SAMD12: variants seen among roughly 807,000 people sequenced by gnomAD.
SAMD12 encodes the protein sterile alpha motif domain-containing protein 12.
SAMD12 carries 9 observed loss-of-function variants against 15.0 expected under a neutral mutation model. The ratio of observed to expected loss-of-function variants is 0.60; its 90% CI spans 0.36 to 1.05. SAMD12 has a LOEUF of 1.05. Ranked by LOEUF, SAMD12 falls within the 50% of genes least tolerant of loss-of-function variation. The pLI is 0.01. For missense variants in SAMD12, 230 were observed against 234.2 expected (o/e 0.98, Z 0.12); for synonymous variants, 86 against 90.1 (o/e 0.96, Z 0.25).
chr8:118,176,613 C>T, the SAMD12 span, among the ~76,000 whole-genome samples: 5 of 152,020 alleles, frequency 3.3e-5, no homozygotes, highest in African/African-American at 9.7e-5. Context: ...AGCTAAACAA[C>T]GAGGACACAT....
intron 3 of SAMD12, among the ~76,000 whole-genome samples, chr8:118,412,641 T>C (rs1821469560): frequency 1.3e-5 from 2 of 152,136 alleles, no homozygotes; most frequent in South Asian, 4.1e-4. Flanking sequence ...AGTTCCTGTC[T>C]AATTTTACTC....
At chr8:118,553,321 T>G (rs917718552) in intron 2 of SAMD12, among the ~76,000 whole-genome samples, 8 of 152,232 alleles carry the variant, frequency 5.3e-5, no homozygotes, top group African/African-American at 1.9e-4. Flanking sequence ...ATGGTACTGG[T>G]ACCGAAACAG....
intron 2 of SAMD12, among the ~76,000 whole-genome samples, chr8:118,463,944 C>T (rs1229211138): frequency 6.6e-6 from 1 of 152,102 alleles, no homozygotes; most frequent in Non-Finnish European, 1.5e-5. Context: ...ACCTCTGACT[C>T]GCAATGAATG....
At chr8:118,223,114 G>C (rs1336403896) in intron 4 of SAMD12, among the ~76,000 whole-genome samples, 1 of 152,144 alleles carries the variant, frequency 6.6e-6, no homozygotes, top group Non-Finnish European at 1.5e-5. Flanking sequence ...ATTAATATGA[G>C]GGTTAGGAGG....
At chr8:118,371,765 T>C (rs531495912) in intron 4 of SAMD12, among the ~76,000 whole-genome samples, 230 of 152,248 alleles carry the variant, frequency 1.5e-3, no homozygotes, top group Middle Eastern at 6.8e-3. Flanking sequence ...AGAGTCACTA[T>C]GAAGTAGGGG....
At chr8:118,487,906 C>T (rs938330652) in intron 2 of SAMD12, among the ~76,000 whole-genome samples, 1 of 152,096 alleles carries the variant, frequency 6.6e-6, no homozygotes, top group Non-Finnish European at 1.5e-5. Flanking sequence ...TCAATTCCTG[C>T]AATCTGATTA....
chr8:118,208,499 G>A (rs1323131326), intron 4 of SAMD12, among the ~76,000 whole-genome samples: 1 of 152,174 alleles, frequency 6.6e-6, no homozygotes, highest in Non-Finnish European at 1.5e-5. Flanking sequence ...GTAGGAAGGA[G>A]GAGGAGTAAG....
At chr8:118,369,284 C>T (rs1818957695) in intron 4 of SAMD12, among the ~76,000 whole-genome samples, 1 of 152,094 alleles carries the variant, frequency 6.6e-6, no homozygotes, top group South Asian at 2.1e-4. Flanking sequence ...CTTTGACAAA[C>T]CTGACAAAAA....
intron 3 of SAMD12, among the ~76,000 whole-genome samples, chr8:118,381,633 G>A (rs769239276): frequency 4.6e-5 from 7 of 152,140 alleles, no homozygotes; most frequent in Admixed American, 6.6e-5. Context: ...AAAGTGAAGC[G>A]GCCAAGAGCC....
chr8:118,572,169 T>G (rs957068684), intron 2 of SAMD12, among the ~76,000 whole-genome samples: 9 of 152,190 alleles, frequency 5.9e-5, no homozygotes, highest in African/African-American at 2.2e-4. Flanking sequence ...GCTGGATTTC[T>G]GACTTGCTTG....
intron 2 of SAMD12, among the ~76,000 whole-genome samples, chr8:118,526,598 T>C (rs1182416176): frequency 6.6e-6 from 1 of 152,104 alleles, no homozygotes; most frequent in African/African-American, 2.4e-5. Flanking sequence ...TTTAGAAAGG[T>C]GCTGGCAGGG....
At chr8:118,178,092 T>C in the SAMD12 span, among the ~76,000 whole-genome samples, 1 of 152,228 alleles carries the variant, frequency 6.6e-6, no homozygotes, top group Non-Finnish European at 1.5e-5. Context: ...GGTAATTCCA[T>C]GAGTACAGTA....
At chr8:118,530,596 A>G (rs1304460970) in intron 2 of SAMD12, among the ~76,000 whole-genome samples, 1 of 152,046 alleles carries the variant, frequency 6.6e-6, no homozygotes, top group Non-Finnish European at 1.5e-5. Context: ...AGCTCTGTAT[A>G]TTAGTTCTTT....
At chr8:118,336,097 TTAAGATTTGG>T (rs1446385291) in intron 4 of SAMD12, among the ~76,000 whole-genome samples, 2 of 152,174 alleles carry the variant, frequency 1.3e-5, no homozygotes, top group African/African-American at 4.8e-5. Context: ...AATTAGTTCA[TTAAGATTTGG>T]CAAGATTTGG....
chr8:118,286,975 T>C (rs1449919751), intron 4 of SAMD12, among the ~76,000 whole-genome samples: 1 of 152,212 alleles, frequency 6.6e-6, no homozygotes, highest in Non-Finnish European at 1.5e-5. Context: ...TCCTGCCTTG[T>C]TCTAGCACGT....
intron 2 of SAMD12, among the ~76,000 whole-genome samples, chr8:118,528,806 C>G (rs1386675113): frequency 6.6e-6 from 1 of 152,226 alleles, no homozygotes; most frequent in South Asian, 2.1e-4. Context: ...CCACCCTCCA[C>G]TGGCCCCAGT....
chr8:118,330,861 C>T lies in SAMD12; in HGVS notation c.433+48699G>A, dbSNP rs539386612. 2.0e-5 allele frequency among the ~76,000 whole-genome samples: 3 copies of T among 152,116 alleles called. No homozygotes were observed. In the South Asian group the frequency reaches 6.2e-4, roughly 32 times the overall value. ...GGGTTGAAAAATTACCTATCGGGTA[C>T]AATGTTCACTATTTGGGGGACAAGT... On this transcript the variant is annotated intron_variant, in intron 4 of 4. Transcript: ENST00000409003.
chr8:118,185,303 G>C (rs76252203), downstream of SAMD12, among the ~76,000 whole-genome samples: 98 of 152,070 alleles, frequency 6.4e-4, 1 homozygote, highest in East Asian at 0.018. Flanking sequence ...AAGTTATTTA[G>C]TGGTGATTTC....
At chr8:118,134,045 A>C in the SAMD12 span, among the ~76,000 whole-genome samples, 83 of 152,344 alleles carry the variant, frequency 5.4e-4, no homozygotes, top group East Asian at 0.015. Flanking sequence ...GTCCCTTGGA[A>C]TATAATTGGT....
Sources: gnomAD v4.1 joint callset for allele counts (sites outside exome capture counted in the v4.1 genomes callset) on GRCh38, gnomAD v4.1.1 for gene constraint, MANE v1.5 for transcripts, NCBI Gene and HGNC (gene_info 2026-07-23, HGNC 2026-07-21) for gene names.